The following ADGRV1 variants were observed in gnomAD, a reference collection of about 807,000 sequenced individuals.
ADGRV1 encodes adhesion G protein-coupled receptor V1.
ADGRV1 carries 359 observed loss-of-function variants against 596.2 expected under a neutral mutation model. The observed-to-expected ratio is 0.60, with a 90% CI of 0.55 to 0.66. The LOEUF (loss-of-function observed/expected upper bound fraction) is 0.66, where lower values mean the gene tolerates loss of function less well. Ranked by LOEUF, ADGRV1 falls within the 30% of genes least tolerant of loss-of-function variation. ADGRV1 has a pLI of 0.00. For synonymous variants in ADGRV1, 2,681 were observed against 2,679.2 expected, an observed-to-expected ratio of 1.00 and a Z score of -0.02; for missense variants, 7,274 against 7,575.6, an observed-to-expected ratio of 0.96 and a Z score of 1.48.
In ADGRV1 at chr5:90,840,583, G is replaced by T; in HGVS notation, c.16617G>T (p.Leu5539Phe). 1 of 1,596,634 alleles carries T rather than the reference G, an allele frequency of 6.3e-7. No homozygotes were observed. The highest frequency in any genetic ancestry group is 1.1e-5 in the South Asian group (1 of 89,110). Reference sequence around the variant, plus strand: ...TGGTGTTGTTTAATTTCTAGGAGTTGAGGAGTGCTGAAACAATTGGTCGTA... The same window carrying T: ...TGGTGTTGTTTAATTTCTAGGAGTTTAGGAGTGCTGAAACAATTGGTCGTA... ...MMSVNFSTQE[L>F]RSAETIGRTI... The change falls in exon 78 of 90, where the codon TTG becomes TTT. Residue 5539 changes from leucine (L) to phenylalanine (F), a missense_variant. Around this residue, in one of 5 missense-constraint regions of ADGRV1, gnomAD observed 1,874 missense variants for 1,970.2 expected, o/e 0.95. Transcript: ENST00000405460.
intron 77 of ADGRV1, among the ~76,000 whole-genome samples, chr5:90,829,805 C>T (rs192421767): frequency 1.3e-5 from 2 of 152,178 alleles, no homozygotes; most frequent in Non-Finnish European, 2.9e-5. Flanking sequence ...AGCAGTGAAA[C>T]TCTAATATAG....
intron 1 of ADGRV1, among the ~76,000 whole-genome samples, chr5:90,579,138 C>G (rs1481262766): frequency 6.6e-6 from 1 of 151,964 alleles, no homozygotes; most frequent in Non-Finnish European, 1.5e-5. Flanking sequence ...TATTTCTTGC[C>G]TTCTGCTAGC....
chr5:90,761,851 C>T (rs993309589), intron 58 of ADGRV1, among the ~76,000 whole-genome samples: 2 of 152,114 alleles, frequency 1.3e-5, no homozygotes, highest in African/African-American at 2.4e-5. Flanking sequence ...GATGCTCAGC[C>T]CTTTGTGACT....
Position 90,652,229 on chromosome 5 carries a change from AGC to A in ADGRV1, c.3417-116_3417-115del, listed in dbSNP as rs1406918528. The A allele has an allele frequency of 4.8e-6, 3 of 625,788 alleles. No homozygotes were observed. The African/African-American group carries it at 5.7e-5, about 12-fold the overall frequency. 38.8% of individuals were successfully genotyped at this position (625,788 alleles called of 1,614,324 possible). On this transcript the variant is annotated intron_variant, in intron 18 of 89. Coordinates refer to ENST00000405460, the MANE Select transcript of ADGRV1 (RefSeq NM_032119.4). ...TCTTCATAGTTTGCCTCGTAGAACC[AGC>A]TGGTTTGTTTCTTTTAAGACAATAG...
chr5:90,645,615 G>T lies in ADGRV1; in HGVS notation c.2899-353G>T, dbSNP rs1466175186. 3.9e-5 allele frequency among the ~76,000 whole-genome samples: 6 copies of T among 152,160 alleles called. No individual in the cohort carries two copies. The East Asian group carries it at 9.7e-4, about 24-fold the overall frequency. ...AAACTCTGCTCTAAATGTTCAAAAA[G>T]TTATTTTTATGTTTCATCTTAAAAA... On this transcript the variant is annotated intron_variant, in intron 15 of 89. Transcript: ENST00000405460.
chr5:90,678,681 G>A (rs2149564243), intron 25 of ADGRV1, among the ~76,000 whole-genome samples: 2 of 148,674 alleles, frequency 1.3e-5, no homozygotes, highest in Middle Eastern at 6.8e-3. Flanking sequence ...ATGTGAGAGG[G>A]CAAGAGAGGG....
chr5:90,861,652 C>G (rs1003859029), intron 82 of ADGRV1, among the ~76,000 whole-genome samples: 1 of 152,026 alleles, frequency 6.6e-6, no homozygotes, highest in Non-Finnish European at 1.5e-5. Flanking sequence ...AGTTATAACA[C>G]TTTATGCTTT....
chr5:91,154,985 G>T (rs1301935084), intron 89 of ADGRV1, among the ~76,000 whole-genome samples: 1 of 152,140 alleles, frequency 6.6e-6, no homozygotes, highest in Non-Finnish European at 1.5e-5. Flanking sequence ...TTCAAGATGA[G>T]ATTTTGGGTG....
intron 89 of ADGRV1, 111 bp downstream of exon 89, chr5:91,153,509 T>G: frequency 1.6e-6 from 1 of 625,314 alleles, no homozygotes; most frequent in Non-Finnish European, 2.5e-6. Context: ...TAGCACATCC[T>G]GATTCTCATG....
chr5:90,898,647 T>C (rs1771543497), intron 83 of ADGRV1, among the ~76,000 whole-genome samples: 1 of 152,150 alleles, frequency 6.6e-6, no homozygotes, highest in Admixed American at 6.5e-5. Context: ...TGAATAAGTT[T>C]ACATGCTAGA....
At chr5:90,701,807 T>A (rs948521531) in intron 34 of ADGRV1, among the ~76,000 whole-genome samples, 1 of 151,924 alleles carries the variant, frequency 6.6e-6, no homozygotes, top group Non-Finnish European at 1.5e-5. Context: ...CTAAAAATGA[T>A]GTATTTATGC....
Position 90,651,604 on chromosome 5 carries a change from G to A in ADGRV1, c.3290G>A (p.Gly1097Asp), listed in dbSNP as rs1473659148. The A allele has an allele frequency of 3.3e-6, 5 of 1,521,812 alleles. No homozygotes were observed. Among genetic ancestry groups the A allele is most frequent in the Non-Finnish European group, 4.5e-6 (5 of 1,116,012 alleles). The allele number at this position is 1,521,812 out of a possible 1,614,324, so 94.3% of individuals were successfully genotyped here. A position where few individuals can be genotyped will look rare whatever the true frequency, so the allele number is the denominator to read the frequency against. ...TTTGTCTTTTCCACTTTTAATTTAG[G>A]TGATACAGTAGTATATCAATATGGA... ...PFYIILLNSTGDTVVYQYGVA... is the reference protein window; with the variant it reads ...PFYIILLNSTDDTVVYQYGVA... Residue 1097 changes from glycine (G) to aspartate (D), a missense_variant and splice_region_variant, in exon 18 of 90, where the codon GGT (glycine) becomes GAT (aspartate). Physicochemically the swap from Gly to Asp is moderately conservative, Grantham distance 94. Coordinates refer to ENST00000405460, the MANE Select transcript of ADGRV1 (RefSeq NM_032119.4).
intron 86 of ADGRV1, among the ~76,000 whole-genome samples, chr5:91,079,549 G>C (rs867657681): frequency 2.0e-5 from 3 of 152,172 alleles, no homozygotes; most frequent in African/African-American, 4.8e-5. Flanking sequence ...ATAACATCAG[G>C]AGTTGCCTAA....
chr5:90,589,404 G>C (rs1759187440), intron 1 of ADGRV1, among the ~76,000 whole-genome samples: 1 of 152,150 alleles, frequency 6.6e-6, no homozygotes, highest in Non-Finnish European at 1.5e-5. Context: ...TTCACAGAAG[G>C]ATGTGAAATA....
intron 87 of ADGRV1, among the ~76,000 whole-genome samples, chr5:91,103,537 GT>G (rs1245460275): frequency 6.6e-6 from 1 of 151,830 alleles, no homozygotes; most frequent in Non-Finnish European, 1.5e-5. Context: ...CTAGGGCCTA[GT>G]GGAACTAAGA....
chr5:91,150,559 A>C (rs1333195748), intron 88 of ADGRV1, among the ~76,000 whole-genome samples: 3 of 152,190 alleles, frequency 2.0e-5, no homozygotes, highest in African/African-American at 7.2e-5. Flanking sequence ...CTAATTTGAC[A>C]TGTCAGTGAC....
intron 21 of ADGRV1, among the ~76,000 whole-genome samples, chr5:90,658,677 A>ATTT (rs4019486): frequency 0.16 from 23,724 of 148,442 alleles, 2,031 homozygotes; most frequent in East Asian, 0.35. Flanking sequence ...TGATTTTTTG[A>ATTT]TTTTTTTTTT....
rs267600733 is a variant in ADGRV1, at chr5:90,777,972, G to C, written c.12595G>C (p.Gly4199Arg). 1.9e-6 allele frequency: 3 copies of C among 1,609,902 alleles called. No homozygotes were observed. Among genetic ancestry groups the C allele is most frequent in the Non-Finnish European group, 2.5e-6 (3 of 1,177,960 alleles). The change falls in exon 62 of 90, where the codon GGG (glycine) becomes CGG (arginine). Residue 4199 changes from glycine to arginine, a missense_variant. Gly to Arg is a moderately radical substitution (Grantham distance 125). Around this residue, in one of 5 missense-constraint regions of ADGRV1, gnomAD observed 3,643 missense variants for 3,809.2 expected, o/e 0.96. Coordinates refer to ENST00000405460, the MANE Select transcript of ADGRV1 (RefSeq NM_032119.4). Reference sequence around the variant, plus strand: ...CTGGAGGATATTCCCTCCTTCCGTGGGGGAATTTGCTGAAACATCAGGAAA... The same window carrying C: ...CTGGAGGATATTCCCTCCTTCCGTGCGGGAATTTGCTGAAACATCAGGAAA... ...VFWRIFPPSV[G>R]EFAETSGKLT... is the part of the protein sequence containing the mutation.
rs549189140 is a variant in ADGRV1, at chr5:90,715,072, A to G, written c.9185-1395A>G. Among the ~76,000 whole-genome samples the G allele has an allele frequency of 2.6e-5, 4 of 152,352 alleles. No homozygotes were observed. The East Asian group carries it at 7.7e-4, about 29-fold the overall frequency. ...TAATATTGAGTTTTCCAATTTAGAA[A>G]TATAAAATGCCTCTCCAGTAATTTA... On this transcript the variant is annotated intron_variant, in intron 42 of 89. Transcript: ENST00000405460.
Sources: gnomAD v4.1 joint callset for allele counts (sites outside exome capture counted in the v4.1 genomes callset) on GRCh38, gnomAD v4.1.1 for gene constraint, gnomAD v4.1.1 regional missense constraint, MANE v1.5 for transcripts, NCBI Gene and HGNC (gene_info 2026-07-23, HGNC 2026-07-21) for gene names.